Variants in JARID2 observed in about 807,000 individuals in gnomAD.
JARID2 encodes protein Jumonji.
In JARID2, 21 loss-of-function variants were observed where a neutral mutation model predicts 125.6. That is an observed-to-expected ratio of 0.17 (90% CI 0.12 to 0.24). The LOEUF (loss-of-function observed/expected upper bound fraction) is 0.24, where lower values mean the gene tolerates loss of function less well. Among genes scored for constraint, JARID2 ranks in the 10% least tolerant of loss-of-function variants. The pLI, the probability that JARID2 is intolerant of heterozygous loss-of-function variation, is 1.00. For missense variants in JARID2, 1,303 were observed against 1,639.6 expected (o/e 0.79, Z 3.55); for synonymous variants, 736 against 661.6 (o/e 1.11, Z -1.73).
intron 1 of JARID2, among the ~76,000 whole-genome samples, chr6:15,337,661 C>A (rs1762922656): frequency 6.6e-6 from 1 of 151,242 alleles, no homozygotes; most frequent in African/African-American, 2.4e-5. Context: ...GGGGCTTTCT[C>A]CCCCCACCCC....
chr6:15,446,903 C>T (rs16876361), intron 3 of JARID2, among the ~76,000 whole-genome samples: 4,676 of 152,228 alleles, frequency 0.031, 235 homozygotes, highest in African/African-American at 0.1. Flanking sequence ...CCCATAGGTT[C>T]GTCTGCTGCT....
At chr6:15,495,450 A>C (rs1770368999) in intron 6 of JARID2, among the ~76,000 whole-genome samples, 1 of 152,218 alleles carries the variant, frequency 6.6e-6, no homozygotes, top group African/African-American at 2.4e-5. Flanking sequence ...TCTTCCATCC[A>C]GCCTGGCCCT....
At chr6:15,256,607 G>A (rs1490252987) in intron 1 of JARID2, among the ~76,000 whole-genome samples, 3 of 81,718 alleles carry the variant, frequency 3.7e-5, no homozygotes, top group Admixed American at 1.1e-4. Flanking sequence ...TCACACATCC[G>A]GGGCTTCAGC....
At chr6:15,405,412 G>A (rs768165776) in intron 2 of JARID2, among the ~76,000 whole-genome samples, 13 of 152,206 alleles carry the variant, frequency 8.5e-5, no homozygotes, top group Non-Finnish European at 1.6e-4. Context: ...GATCCCAGAC[G>A]CACTTCTCCC....
At chr6:15,464,520 AAGG>A (rs1207589541) in intron 4 of JARID2, among the ~76,000 whole-genome samples, 2 of 152,272 alleles carry the variant, frequency 1.3e-5, no homozygotes, top group Admixed American at 6.5e-5. Context: ...GGATGATGCC[AAGG>A]AGGACAGTCA....
chr6:15,299,157 T>C (rs1247284314), intron 1 of JARID2, among the ~76,000 whole-genome samples: 1 of 152,174 alleles, frequency 6.6e-6, no homozygotes, highest in Non-Finnish European at 1.5e-5. Flanking sequence ...CCCGTGAGCC[T>C]TAATTTTGAA....
chr6:15,269,282 G>T (rs1458561548), intron 1 of JARID2, among the ~76,000 whole-genome samples: 5 of 152,132 alleles, frequency 3.3e-5, no homozygotes. Flanking sequence ...TTGTTGGGGG[G>T]GGCGGAAAGA....
chr6:15,446,118 A>ACTGTATT (rs1484727177), intron 3 of JARID2, among the ~76,000 whole-genome samples: 3 of 152,030 alleles, frequency 2.0e-5, no homozygotes, highest in African/African-American at 7.2e-5. Flanking sequence ...CCATGTGTGT[A>ACTGTATT]CTGTATTCTG....
At chr6:15,341,215 C>T (rs1027788772) in intron 1 of JARID2, among the ~76,000 whole-genome samples, 1 of 152,158 alleles carries the variant, frequency 6.6e-6, no homozygotes, top group African/African-American at 2.4e-5. Flanking sequence ...GAAATAATGC[C>T]TGCTGCCCAG....
Position 15,381,588 on chromosome 6 carries a change from T to G in JARID2, c.181+7336T>G, listed in dbSNP as rs73726566. 7.1e-3 allele frequency among the ~76,000 whole-genome samples: 1,083 copies of G among 152,336 alleles called. 15 individuals carry two copies. Among genetic ancestry groups the G allele is most frequent in the African/African-American group, 0.025 (1,041 of 41,564 alleles). On this transcript the variant is annotated intron_variant, in intron 2 of 17. Transcript: ENST00000341776. ...GGCTTCAATGTTGTTGAAAACAACTTATTTTTTGTTTACAAAGGAAGCTAC... is the reference window on the plus strand; with the variant it reads ...GGCTTCAATGTTGTTGAAAACAACTGATTTTTTGTTTACAAAGGAAGCTAC...
chr6:15,308,891 T>C (rs528128923), intron 1 of JARID2, among the ~76,000 whole-genome samples: 71 of 152,344 alleles, frequency 4.7e-4, no homozygotes, highest in African/African-American at 1.5e-3. Flanking sequence ...TAATCATGGC[T>C]TTTCTCAAGT....
At chr6:15,416,334 G>A (rs1232958823) in intron 3 of JARID2, among the ~76,000 whole-genome samples, 2 of 152,206 alleles carry the variant, frequency 1.3e-5, no homozygotes, top group African/African-American at 4.8e-5. Flanking sequence ...GGCCAAGGCA[G>A]GCGGCTGGGA....
intron 5 of JARID2, among the ~76,000 whole-genome samples, chr6:15,469,003 G>A (rs1167361814): frequency 6.6e-6 from 1 of 152,016 alleles, no homozygotes. Flanking sequence ...ACATGGGGAT[G>A]GTCAAGAAGA....
intron 2 of JARID2, among the ~76,000 whole-genome samples, chr6:15,379,320 C>G (rs905777666): frequency 8.5e-5 from 13 of 152,150 alleles, no homozygotes; most frequent in Non-Finnish European, 1.3e-4. Flanking sequence ...TGTGAGCCTT[C>G]TGTCTACTTT....
chr6:15,497,208 C>A, intron 7 of JARID2, 38 bp downstream of exon 7: 1 of 1,443,148 alleles, frequency 6.9e-7, no homozygotes, highest in South Asian at 1.3e-5. Context: ...GGTGCCTGCC[C>A]TCCTGCCCCC....
In JARID2 at chr6:15,513,054, C is replaced by T; in HGVS notation, c.3266+9C>T. Reference sequence around the variant, plus strand: ...CTCCTGGATGAGCTCAGGTAACAGACCCCCAGAGCCCACGCCAGAGAGCTG... The same window carrying T: ...CTCCTGGATGAGCTCAGGTAACAGATCCCCAGAGCCCACGCCAGAGAGCTG... On this transcript the variant is annotated intron_variant, in intron 15 of 17. Transcript: ENST00000341776. The T allele has an allele frequency of 2.5e-6, 4 of 1,614,022 alleles. No individual in the cohort carries two copies. Among genetic ancestry groups the T allele is most frequent in the Non-Finnish European group, 3.4e-6 (4 of 1,179,992 alleles).
Position 15,496,887 on chromosome 6 carries a change from G to C in JARID2, c.1662G>C (p.Met554Ile). 6.2e-7 allele frequency: 1 copy of C among 1,601,608 alleles called. No individual in the cohort carries two copies. Among genetic ancestry groups the C allele is most frequent in the Non-Finnish European group, 8.5e-7 (1 of 1,171,854 alleles). Residue 554 changes from methionine to isoleucine, a missense_variant, in exon 7 of 18, where the codon ATG becomes ATC. This residue lies in a region of JARID2 where 651 missense variants were observed against 581.6 expected (regional missense o/e 1.12). Transcript: ENST00000341776. ...KGGGKAGWAA[M>I]DEIPVLRPSA... ...GCGGCAAGGCCGGGTGGGCGGCCATGGACGAGATCCCCGTCCTCAGGCCCT... is the reference window on the plus strand; with the variant it reads ...GCGGCAAGGCCGGGTGGGCGGCCATCGACGAGATCCCCGTCCTCAGGCCCT...
At chr6:15,325,429 C>CT (rs1480453232) in intron 1 of JARID2, among the ~76,000 whole-genome samples, 1 of 152,112 alleles carries the variant, frequency 6.6e-6, no homozygotes, top group Non-Finnish European at 1.5e-5. Flanking sequence ...GATCAGCGGT[C>CT]TAGAAGTACA....
chr6:15,368,108 GT>G (rs1450676172), intron 1 of JARID2, among the ~76,000 whole-genome samples: 1 of 152,060 alleles, frequency 6.6e-6, no homozygotes, highest in Non-Finnish European at 1.5e-5. Context: ...AAACAATCTG[GT>G]TTTTAAAAGT....
Sources: gnomAD v4.1 joint callset for allele counts (sites outside exome capture counted in the v4.1 genomes callset) on GRCh38, gnomAD v4.1.1 for gene constraint, gnomAD v4.1.1 regional missense constraint, MANE v1.5 for transcripts, NCBI Gene and HGNC (gene_info 2026-07-23, HGNC 2026-07-21) for gene names.